RAB31: variants seen among roughly 807,000 people sequenced by gnomAD.
RAB31 encodes the protein RAB31, member RAS oncogene family.
Under a neutral mutation model 25.6 loss-of-function variants are expected in RAB31, and 21 were observed. The observed-to-expected ratio is 0.82, with a 90% CI of 0.58 to 1.18. The LOEUF is 1.18. Ranked by LOEUF, RAB31 falls within the 50% of genes most tolerant of loss-of-function variation. RAB31 has a pLI of 0.00. For missense variants in RAB31, 196 were observed against 250.1 expected (o/e 0.78, Z 1.46); for synonymous variants, 87 against 84.0 (o/e 1.04, Z -0.20).
intron 1 of RAB31, among the ~76,000 whole-genome samples, chr18:9,724,265 C>T (rs1325994283): frequency 3.7e-4 from 37 of 100,116 alleles, no homozygotes; most frequent in African/African-American, 1.4e-3. Context: ...AGCGAGACTC[C>T]GTCTCAAAAA....
intron 3 of RAB31, among the ~76,000 whole-genome samples, chr18:9,805,092 A>G (rs2068533281): frequency 6.6e-6 from 1 of 151,884 alleles, no homozygotes; most frequent in Non-Finnish European, 1.5e-5. Context: ...ATCTCTACAA[A>G]AAGTTTTTAA....
At chr18:9,734,995 G>T in intron 1 of RAB31, 1 of 222,958 alleles carries the variant, frequency 4.5e-6, no homozygotes, top group Non-Finnish European at 9.6e-6. Context: ...TGGTGGCGGT[G>T]GTTTTTTGTT....
chr18:9,752,078 A>C (rs2068237890), intron 1 of RAB31, among the ~76,000 whole-genome samples: 2 of 152,026 alleles, frequency 1.3e-5, no homozygotes, highest in Non-Finnish European at 2.9e-5. Flanking sequence ...TAGGGAGTAA[A>C]AGAGGCTGCC....
chr18:9,715,503 A>G (rs1167767184), intron 1 of RAB31, among the ~76,000 whole-genome samples: 2 of 145,214 alleles, frequency 1.4e-5, no homozygotes, highest in Non-Finnish European at 3.0e-5. Flanking sequence ...ACATTTTGTC[A>G]CTTGTCCTTT....
chr18:9,852,213 A>C (rs1255254779), intron 6 of RAB31, among the ~76,000 whole-genome samples: 2 of 152,214 alleles, frequency 1.3e-5, no homozygotes, highest in South Asian at 2.1e-4. Context: ...ATTATTTTGA[A>C]GAGAATCTCA....
chr18:9,809,351 T>C (rs1393901754), intron 3 of RAB31, among the ~76,000 whole-genome samples: 3 of 143,728 alleles, frequency 2.1e-5, no homozygotes, highest in East Asian at 4.4e-4. Context: ...GCGAGGTCCC[T>C]AGATGTTAAT....
chr18:9,741,828 G>T (rs1225398666), intron 1 of RAB31, among the ~76,000 whole-genome samples: 2 of 152,212 alleles, frequency 1.3e-5, no homozygotes, highest in Non-Finnish European at 2.9e-5. Flanking sequence ...CACTTCCCAT[G>T]CGGTTCCTCT....
chr18:9,796,088 A>C (rs2068485711), intron 3 of RAB31, among the ~76,000 whole-genome samples: 1 of 152,248 alleles, frequency 6.6e-6, no homozygotes, highest in Non-Finnish European at 1.5e-5. Context: ...ATGACATTCC[A>C]GCAAACTGGA....
At chr18:9,738,343 A>G (rs2068160888) in intron 1 of RAB31, among the ~76,000 whole-genome samples, 7 of 152,138 alleles carry the variant, frequency 4.6e-5, no homozygotes, top group Admixed American at 3.9e-4. Context: ...TGGTCACAGG[A>G]AAGACCAAGG....
chr18:9,786,035 A>T (rs2068430450), intron 2 of RAB31, among the ~76,000 whole-genome samples: 1 of 135,978 alleles, frequency 7.4e-6, no homozygotes, highest in East Asian at 2.2e-4. Flanking sequence ...TGGGCGACAG[A>T]GTCAGACTCT....
chr18:9,841,472 G>A (rs1239369494), intron 5 of RAB31, among the ~76,000 whole-genome samples: 2 of 149,724 alleles, frequency 1.3e-5, no homozygotes, highest in South Asian at 2.1e-4. Context: ...CCGGGAGGCA[G>A]AGCTTGCAGT....
chr18:9,859,566 A>T lies in RAB31; in HGVS notation c.*241A>T. 3.1e-5 allele frequency: 10 copies of T among 318,532 alleles called. No homozygotes were observed. The highest frequency in any genetic ancestry group is 9.8e-5 in the Admixed American group (2 of 20,430). The allele number at this position is 318,532 out of a possible 1,614,324, so 19.7% of individuals were successfully genotyped here. A position where few individuals can be genotyped will look rare whatever the true frequency, so the allele number is the denominator to read the frequency against. On this transcript the variant is annotated 3_prime_UTR_variant, in exon 7 of 7. Transcript: ENST00000578921. Reference sequence around the variant, plus strand: ...CCTTTAGTGTATGAAATGCACATGGAGGGGATGTAGTTGCATTTTTGCTAA... The same window carrying T: ...CCTTTAGTGTATGAAATGCACATGGTGGGGATGTAGTTGCATTTTTGCTAA...
chr18:9,772,734 G>A (rs1017708835), intron 1 of RAB31, among the ~76,000 whole-genome samples: 8 of 152,130 alleles, frequency 5.3e-5, no homozygotes, highest in Admixed American at 2.0e-4. Context: ...GGAATCAGCT[G>A]GCCTCATGAA....
rs546597375 is a variant in RAB31, at chr18:9,797,949, G to A, written c.201+5714G>A. ...TTTGTAGTTTGTTCCACTTACCATC[G>A]CAAAGAAAAATACCAGTGGGAAGTT... On this transcript the variant is annotated intron_variant, in intron 3 of 6. Transcript: ENST00000578921. Among the ~76,000 whole-genome samples the A allele has an allele frequency of 2.6e-5, 4 of 152,182 alleles. No homozygotes were observed. The South Asian group carries it at 6.2e-4, about 24-fold the overall frequency.
At chr18:9,846,474 C>T (rs1315471269) in intron 6 of RAB31, among the ~76,000 whole-genome samples, 1 of 152,174 alleles carries the variant, frequency 6.6e-6, no homozygotes, top group Non-Finnish European at 1.5e-5. Flanking sequence ...CAGGAAAGTT[C>T]GACCGGAGCA....
At position 9,835,705 on chromosome 18, in the gene RAB31, G is replaced by A. The variant is rs1027449831; in HGVS notation, c.381-9877G>A. Among the ~76,000 whole-genome samples the A allele has an allele frequency of 3.3e-5, 5 of 152,338 alleles. No homozygotes were observed. In the East Asian group the frequency reaches 9.6e-4, roughly 29 times the overall value. ...TGTTATTGTCTCAGATATTTGCTGT[G>A]AAGGGAGTAGCTATTCTTTGTTTTT... On this transcript the variant is annotated intron_variant, in intron 5 of 6. Coordinates refer to ENST00000578921, the MANE Select transcript of RAB31 (RefSeq NM_006868.4).
intron 1 of RAB31, among the ~76,000 whole-genome samples, chr18:9,731,596 C>CTTTTTTTTT (rs10685568): frequency 3.7e-5 from 4 of 107,634 alleles, no homozygotes; most frequent in East Asian, 2.7e-4. Context: ...TGGGAATTTG[C>CTTTTTTTTT]TTTTTTTTTT....
intron 1 of RAB31, among the ~76,000 whole-genome samples, chr18:9,731,114 G>GT (rs2068120805): frequency 6.6e-6 from 1 of 152,164 alleles, no homozygotes; most frequent in Admixed American, 6.5e-5. Context: ...TATCAAGCCA[G>GT]TTTTTTGTTT....
intron 1 of RAB31, among the ~76,000 whole-genome samples, chr18:9,767,101 C>T (rs979460466): frequency 1.3e-5 from 2 of 152,186 alleles, no homozygotes; most frequent in African/African-American, 2.4e-5. Context: ...GATTCCAAGA[C>T]CAGAAGGAGA....
Sources: gnomAD v4.1 joint callset for allele counts (sites outside exome capture counted in the v4.1 genomes callset) on GRCh38, gnomAD v4.1.1 for gene constraint, MANE v1.5 for transcripts, NCBI Gene and HGNC (gene_info 2026-07-23, HGNC 2026-07-21) for gene names.